Variants in SUSD1 observed in about 807,000 individuals in gnomAD.
SUSD1 encodes sushi domain containing 1.
A neutral mutation model predicts 86.9 loss-of-function variants in SUSD1; 65 were observed. The ratio of observed to expected loss-of-function variants is 0.75; its 90% CI spans 0.61 to 0.92. SUSD1 has a LOEUF of 0.92. Ranked by LOEUF, SUSD1 falls within the 40% of genes least tolerant of loss-of-function variation. The pLI is 0.00. For synonymous variants in SUSD1, 346 were observed against 350.0 expected (o/e 0.99, Z 0.13); for missense variants, 850 against 929.7 (o/e 0.91, Z 1.11).
At chr9:112,091,679 T>A (rs985582221) in intron 10 of SUSD1, among the ~76,000 whole-genome samples, 1 of 152,186 alleles carries the variant, frequency 6.6e-6, no homozygotes, top group Non-Finnish European at 1.5e-5. Flanking sequence ...AAATCAACTA[T>A]CCTGAAAGCA....
At chr9:112,083,551 C>T (rs1295356523) in intron 10 of SUSD1, among the ~76,000 whole-genome samples, 4 of 152,118 alleles carry the variant, frequency 2.6e-5, no homozygotes, top group South Asian at 2.1e-4. Flanking sequence ...TCTTATCTCA[C>T]GGAACTAATT....
chr9:112,157,537 G>A lies in SUSD1; in HGVS notation c.180C>T (p.Asn60=). The A allele has an allele frequency of 6.2e-7, 1 of 1,614,100 alleles. No individual in the cohort carries two copies. The highest frequency in any genetic ancestry group is 1.7e-5 in the Admixed American group (1 of 60,014). ...QREGKKICIC[N]YGFVGNGRTQ... ...TCCTCCCGTTCCCTACAAATCCATA[G>A]TTGCAAATACAGATCTTCTTCCCTT... is the stretch of plus-strand genomic sequence containing the variant. The change falls in exon 2 of 17, where the codon AAC becomes AAT. Residue 60 remains asparagine, a synonymous_variant. Transcript: ENST00000374270.
intron 3 of SUSD1, among the ~76,000 whole-genome samples, chr9:112,145,738 AATTCT>A (rs1832782622): frequency 1.3e-5 from 2 of 152,238 alleles, no homozygotes; most frequent in South Asian, 4.1e-4. Context: ...GGGAACCAGT[AATTCT>A]ATTCAATTGC....
At chr9:112,167,647 A>G (rs1274550057) in intron 1 of SUSD1, among the ~76,000 whole-genome samples, 2 of 152,218 alleles carry the variant, frequency 1.3e-5, no homozygotes, top group Non-Finnish European at 1.5e-5. Context: ...CTTACTAGCT[A>G]TGTAATCCTT....
At chr9:112,109,325 T>G (rs1830991696) in intron 8 of SUSD1, among the ~76,000 whole-genome samples, 1 of 152,210 alleles carries the variant, frequency 6.6e-6, no homozygotes, top group Non-Finnish European at 1.5e-5. Flanking sequence ...CCAATTCATT[T>G]TAAGGAAAAT....
At chr9:112,169,648 C>A (rs1472625662) in intron 1 of SUSD1, among the ~76,000 whole-genome samples, 1 of 151,790 alleles carries the variant, frequency 6.6e-6, no homozygotes, top group East Asian at 1.9e-4. Context: ...CTGTCTCATA[C>A]CTGATTCATT....
At chr9:112,112,276 C>T (rs950253013) in intron 7 of SUSD1, among the ~76,000 whole-genome samples, 7 of 152,138 alleles carry the variant, frequency 4.6e-5, no homozygotes, top group Admixed American at 6.6e-5. Flanking sequence ...TGCAAAATAA[C>T]GAAATCATCC....
intron 12 of SUSD1, among the ~76,000 whole-genome samples, chr9:112,063,897 G>A (rs1208091663): frequency 6.6e-6 from 1 of 152,294 alleles, no homozygotes; most frequent in East Asian, 1.9e-4. Context: ...CTCTCTTGGG[G>A]TTCCTACCCA....
At chr9:112,053,580 C>T (rs1215404377) in intron 14 of SUSD1, among the ~76,000 whole-genome samples, 1 of 147,250 alleles carries the variant, frequency 6.8e-6, no homozygotes, top group Non-Finnish European at 1.5e-5. Flanking sequence ...TTGAATGTGA[C>T]TAACATTTGC....
chr9:112,167,018 A>C (rs1833855370), intron 1 of SUSD1, among the ~76,000 whole-genome samples: 1 of 152,144 alleles, frequency 6.6e-6, no homozygotes, highest in South Asian at 2.1e-4. Flanking sequence ...TAACAATGAG[A>C]GGGTGAGACA....
chr9:112,107,514 G>A (rs906626919), intron 8 of SUSD1, among the ~76,000 whole-genome samples: 5 of 152,002 alleles, frequency 3.3e-5, no homozygotes, highest in Non-Finnish European at 4.4e-5. Flanking sequence ...TAACAATGAT[G>A]TAAGTTGGAT....
intron 15 of SUSD1, among the ~76,000 whole-genome samples, chr9:112,044,309 T>C (rs905565742): frequency 3.3e-5 from 5 of 152,162 alleles, no homozygotes; most frequent in Non-Finnish European, 5.9e-5. Context: ...GATGTCCAAG[T>C]CTTTATCTGA....
chr9:112,092,849 T>C (rs1343798591), intron 10 of SUSD1, among the ~76,000 whole-genome samples: 1 of 152,072 alleles, frequency 6.6e-6, no homozygotes. Flanking sequence ...AAAGAAACCA[T>C]AAAACAGAAG....
At chr9:112,139,813 A>C (rs957091939) in intron 5 of SUSD1, among the ~76,000 whole-genome samples, 4 of 152,228 alleles carry the variant, frequency 2.6e-5, no homozygotes, top group African/African-American at 9.6e-5. Flanking sequence ...GAATAGATTG[A>C]TGTTTCCTTT....
Position 112,094,085 on chromosome 9 carries a change from TG to T in SUSD1, c.1474+4384del, listed in dbSNP as rs538061708. Among the ~76,000 whole-genome samples the T allele has an allele frequency of 2.8e-3, 423 of 152,196 alleles. 1 individual carries two copies. Among genetic ancestry groups the T allele is most frequent in the African/African-American group, 9.5e-3 (394 of 41,514 alleles). Reference sequence around the variant, plus strand: ...ATAAGGCCTGAAAGCTTGCTAGAAATGAAAATTTGCTCCCCTCCCCAAAGGC... The same window carrying T: ...ATAAGGCCTGAAAGCTTGCTAGAAATAAAATTTGCTCCCCTCCCCAAAGGC... On this transcript the variant is annotated intron_variant, in intron 10 of 16. Coordinates refer to ENST00000374270, the MANE Select transcript of SUSD1 (RefSeq NM_022486.5).
rs115558859 is a variant in SUSD1, at chr9:112,146,336, A to C, written c.374-2713T>G. ...AATGAGACAGTGGTGATGCTAGCAC[A>C]ACTTTGTGAATATACTAAAAACCAC... On this transcript the variant is annotated intron_variant, in intron 3 of 16. Coordinates refer to ENST00000374270, the MANE Select transcript of SUSD1 (RefSeq NM_022486.5). Among the ~76,000 whole-genome samples, 1,319 of 152,336 alleles carry C rather than the reference A, an allele frequency of 8.7e-3. 24 individuals carry two copies. Among genetic ancestry groups the C allele is most frequent in the African/African-American group, 0.029 (1,194 of 41,584 alleles).
In SUSD1 at chr9:112,142,391, C is replaced by T. The variant is rs948812205; in HGVS notation, c.635G>A (p.Ser212Asn). The change falls in exon 5 of 17, where the codon AGT becomes AAT. Residue 212 changes from serine to asparagine, a missense_variant. Transcript: ENST00000374270. Reference protein sequence around the residue: ...VRYACREGFFSVPEDTVSSCT... With the variant: ...VRYACREGFFNVPEDTVSSCT... ...GCTTGAAACTGTATCTTCTGGAACA[C>T]TGAAGAATCCTTCTCTGCAAGCATA... 3.7e-6 allele frequency: 6 copies of T among 1,613,998 alleles called. No homozygotes were observed. The highest frequency in any genetic ancestry group is 1.6e-4 in the Middle Eastern group (1 of 6,084).
intron 2 of SUSD1, among the ~76,000 whole-genome samples, chr9:112,152,941 A>G (rs1833130306): frequency 6.6e-6 from 1 of 150,944 alleles, no homozygotes; most frequent in Non-Finnish European, 1.5e-5. Flanking sequence ...TGGAAAAAAA[A>G]TGTTTTTACT....
chr9:112,161,407 G>A (rs936069855), intron 1 of SUSD1, among the ~76,000 whole-genome samples: 10 of 150,766 alleles, frequency 6.6e-5, no homozygotes, highest in South Asian at 4.2e-4. Flanking sequence ...ATAATGACAC[G>A]CAACCAAAAT....
Sources: allele counts gnomAD v4.1 joint callset (sites outside exome capture counted in the v4.1 genomes callset), GRCh38; gene constraint gnomAD v4.1.1; transcripts MANE v1.5; gene names NCBI Gene and HGNC (gene_info 2026-07-23, HGNC 2026-07-21).